Variants in DAB2IP observed in about 807,000 individuals in gnomAD.
DAB2IP encodes DAB2 interacting protein, also known as disabled homolog 2-interacting protein.
A neutral mutation model predicts 107.2 loss-of-function variants in DAB2IP; 28 were observed. That is an observed-to-expected ratio of 0.26 (90% CI 0.19 to 0.36). The LOEUF (loss-of-function observed/expected upper bound fraction) is 0.36, where lower values mean the gene tolerates loss of function less well. Among genes scored for constraint, DAB2IP ranks in the 10% least tolerant of loss-of-function variants. The probability of loss-of-function intolerance (pLI) is 1.00; values close to 1 mark genes in which losing one functional copy is unlikely to be tolerated. For synonymous variants in DAB2IP, 755 were observed against 706.4 expected (o/e 1.07, Z -1.09); for missense variants, 1,400 against 1,644.7 (o/e 0.85, Z 2.57).
intron 1 of DAB2IP, among the ~76,000 whole-genome samples, chr9:121,611,463 G>T (rs915590096): frequency 6.6e-6 from 1 of 152,146 alleles, no homozygotes; most frequent in Non-Finnish European, 1.5e-5. Context: ...TTGGGTTCTG[G>T]CTGCTCTACC....
chr9:121,705,600 C>T (rs779878222), intron 3 of DAB2IP, among the ~76,000 whole-genome samples: 5 of 152,230 alleles, frequency 3.3e-5, no homozygotes, highest in Non-Finnish European at 5.9e-5. Context: ...TGAGCACTCA[C>T]GTGCATACTT....
intron 3 of DAB2IP, among the ~76,000 whole-genome samples, chr9:121,730,186 T>G (rs1038334594): frequency 1.3e-5 from 2 of 152,158 alleles, no homozygotes; most frequent in Non-Finnish European, 2.9e-5. Flanking sequence ...GACTCAAAAA[T>G]AAGCAACAGT....
At chr9:121,747,324 A>G (rs113076036) in intron 3 of DAB2IP, among the ~76,000 whole-genome samples, 3,609 of 149,832 alleles carry the variant, frequency 0.024, 155 homozygotes, top group African/African-American at 0.084. Context: ...CACCCTCGTC[A>G]ATGAGTGTTC....
chr9:121,694,576 A>G (rs1829326677), intron 2 of DAB2IP, among the ~76,000 whole-genome samples: 1 of 152,126 alleles, frequency 6.6e-6, no homozygotes, highest in South Asian at 2.1e-4. Context: ...GTTGTGGGCC[A>G]GATGTCAGGA....
chr9:121,706,174 G>A (rs114764785), intron 3 of DAB2IP, among the ~76,000 whole-genome samples: 3 of 152,314 alleles, frequency 2.0e-5, no homozygotes, highest in Non-Finnish European at 2.9e-5. Flanking sequence ...ATCCATCTGC[G>A]AGGTGTGTCC....
chr9:121,744,619 G>A (rs1832596679), intron 3 of DAB2IP, among the ~76,000 whole-genome samples: 1 of 152,206 alleles, frequency 6.6e-6, no homozygotes, highest in African/African-American at 2.4e-5. Flanking sequence ...AAAAGTTGGT[G>A]CATTTGGTCA....
rs544755228 is a variant in DAB2IP, at chr9:121,678,221, A to G, written c.125-457A>G. On this transcript the variant is annotated intron_variant, in intron 1 of 15. Coordinates refer to ENST00000408936, the Ensembl canonical transcript of DAB2IP. ...CTGTCTCTACGAATTGGCCTCTTCT[A>G]GATAGTTCATATAAATGGGATCATA... Among the ~76,000 whole-genome samples, 11 of 152,346 alleles carry G rather than the reference A, an allele frequency of 7.2e-5. No individual in the cohort carries two copies. In the South Asian group the frequency reaches 2.3e-3, roughly 32 times the overall value.
chr9:121,592,872 T>C (rs537035796), intron 1 of DAB2IP, among the ~76,000 whole-genome samples: 1 of 152,204 alleles, frequency 6.6e-6, no homozygotes, highest in Admixed American at 6.5e-5. Flanking sequence ...CTGGGCTACA[T>C]GTGAGAACAG....
chr9:121,645,366 A>C (rs1046971568), intron 1 of DAB2IP, among the ~76,000 whole-genome samples: 3 of 152,180 alleles, frequency 2.0e-5, no homozygotes, highest in Non-Finnish European at 4.4e-5. Flanking sequence ...TGGAGCCCTC[A>C]ACTTCAGGGC....
intron 3 of DAB2IP, chr9:121,751,786 C>A (rs1833137551): frequency 3.7e-6 from 1 of 273,370 alleles, no homozygotes; most frequent in Non-Finnish European, 5.6e-6. Flanking sequence ...GAGGGTGCTG[C>A]TTTGGTCTAG....
At chr9:121,700,375 C>T (rs555253134) in intron 3 of DAB2IP, among the ~76,000 whole-genome samples, 2 of 152,326 alleles carry the variant, frequency 1.3e-5, no homozygotes, top group Admixed American at 1.3e-4. Flanking sequence ...GTGGTGCCAG[C>T]CACAGGCACC....
intron 3 of DAB2IP, among the ~76,000 whole-genome samples, chr9:121,749,130 C>G (rs1330721097): frequency 6.6e-6 from 1 of 152,230 alleles, no homozygotes; most frequent in Non-Finnish European, 1.5e-5. Flanking sequence ...CTGCATTCCT[C>G]TCCTCTCCCC....
In DAB2IP at chr9:121,770,556, C is replaced by T. The variant is rs745828771; in HGVS notation, c.1910C>T (p.Ser637Phe). Residue 637 changes from serine (S) to phenylalanine (F), a missense_variant, in exon 11 of 16, where the codon TCC becomes TTC. This residue lies in a region of DAB2IP where 517 missense variants were observed against 748.6 expected (regional missense o/e 0.69). Transcript: ENST00000408936. Reference sequence around the variant, plus strand: ...GCTGTGCCTTTACAGAGCATAGTATCCAAACTGGGACCCCTGCCTCGGATC... The same window carrying T: ...GCTGTGCCTTTACAGAGCATAGTATTCAAACTGGGACCCCTGCCTCGGATC... 3.7e-6 allele frequency: 6 copies of T among 1,613,956 alleles called. No individual in the cohort carries two copies. In the South Asian group the frequency reaches 6.6e-5, roughly 18 times the overall value.
At chr9:121,609,115 G>T (rs369977525) in intron 1 of DAB2IP, among the ~76,000 whole-genome samples, 103 of 152,194 alleles carry the variant, frequency 6.8e-4, no homozygotes, top group Middle Eastern at 3.4e-3. Flanking sequence ...CTATTTTTTT[G>T]TGTGTTTTTA....
chr9:121,602,538 C>T (rs1485799001), intron 1 of DAB2IP, among the ~76,000 whole-genome samples: 1 of 151,988 alleles, frequency 6.6e-6, no homozygotes, highest in Non-Finnish European at 1.5e-5. Flanking sequence ...CGACTACAGG[C>T]ACATGCCACC....
chr9:121,674,740 C>A (rs564254915), intron 1 of DAB2IP, among the ~76,000 whole-genome samples: 28 of 152,090 alleles, frequency 1.8e-4, no homozygotes, highest in Admixed American at 6.5e-5. Context: ...AGGCAGGATT[C>A]TGGGCATCAG....
intron 1 of DAB2IP, among the ~76,000 whole-genome samples, chr9:121,674,844 T>G (rs762097700): frequency 1.3e-5 from 2 of 151,978 alleles, no homozygotes; most frequent in Admixed American, 1.3e-4. Context: ...AGGGCCCACC[T>G]ACCCAGGAAA....
intron 1 of DAB2IP, among the ~76,000 whole-genome samples, chr9:121,673,710 T>C (rs568169326): frequency 1.1e-4 from 16 of 152,170 alleles, no homozygotes; most frequent in Non-Finnish European, 2.1e-4. Context: ...TCATTAACTT[T>C]GTGTTTAGAG....
At chr9:121,763,255 G>T (rs1371223104) in intron 6 of DAB2IP, among the ~76,000 whole-genome samples, 1 of 152,126 alleles carries the variant, frequency 6.6e-6, no homozygotes, top group Admixed American at 6.5e-5. Context: ...TCTCATTCAG[G>T]CTGCCTCCAT....
Sources: allele counts gnomAD v4.1 joint callset (sites outside exome capture counted in the v4.1 genomes callset), GRCh38; gene constraint gnomAD v4.1.1; regional missense constraint gnomAD v4.1.1; transcripts MANE v1.5; gene names NCBI Gene and HGNC (gene_info 2026-07-23, HGNC 2026-07-21).